TRHDE: variants seen among roughly 807,000 people sequenced by gnomAD.
TRHDE encodes thyrotropin-releasing hormone-degrading ectoenzyme.
In TRHDE, 72 loss-of-function variants were observed where a neutral mutation model predicts 125.7. That is an observed-to-expected ratio of 0.57 (90% CI 0.47 to 0.70). TRHDE has a LOEUF of 0.70. Ranked by LOEUF, TRHDE falls within the 30% of genes least tolerant of loss-of-function variation. The pLI, the probability that TRHDE is intolerant of heterozygous loss-of-function variation, is 0.00. For synonymous variants in TRHDE, 509 were observed against 509.1 expected, an observed-to-expected ratio of 1.00 and a Z score of 0.00; for missense variants, 1,110 against 1,327.1, an observed-to-expected ratio of 0.84 and a Z score of 2.54.
At chr12:72,238,786 T>C (rs1878415852) in intron 2 of TRHDE, among the ~76,000 whole-genome samples, 1 of 152,200 alleles carries the variant, frequency 6.6e-6, no homozygotes, top group African/African-American at 2.4e-5. Flanking sequence ...CTTTATCAAG[T>C]CTATCATTGA....
chr12:72,373,064 A>T (rs997255256), intron 2 of TRHDE, among the ~76,000 whole-genome samples: 1 of 151,992 alleles, frequency 6.6e-6, no homozygotes, highest in East Asian at 1.9e-4. Flanking sequence ...CTTTTATTTC[A>T]TTGAGCAGTG....
chr12:72,636,412 A>G (rs1375447452), intron 15 of TRHDE, among the ~76,000 whole-genome samples: 43 of 151,572 alleles, frequency 2.8e-4, no homozygotes, highest in African/African-American at 8.7e-4. Context: ...GGCTGAGACA[A>G]TGGGGTTTTC....
chr12:72,273,146 A>T lies in TRHDE; in HGVS notation c.503A>T (p.Gln168Leu), dbSNP rs774307603. The T allele has an allele frequency of 3.2e-6, 5 of 1,568,758 alleles. No individual in the cohort carries two copies. Among genetic ancestry groups the T allele is most frequent in the Non-Finnish European group, 3.5e-6 (4 of 1,156,054 alleles). Residue 168 changes from glutamine (Q) to leucine (L), a missense_variant, in exon 1 of 19, where the codon CAG becomes CTG. Gln to Leu is a moderately radical substitution (Grantham distance 113). Around this residue, in one of 5 missense-constraint regions of TRHDE, gnomAD observed 248 missense variants for 240.8 expected, o/e 1.03. Transcript: ENST00000261180. This position sits in a 1 kb window ranked among gnomAD's most constrained non-coding sequence, Gnocchi z 5.3. ...GCCAGTCCGGGGACCACGTCGGCCCAGCCGCCGTCGGAGGAGGAGCGGGAG... is the reference window on the plus strand; with the variant it reads ...GCCAGTCCGGGGACCACGTCGGCCCTGCCGCCGTCGGAGGAGGAGCGGGAG... ...GVASPGTTSAQPPSEEEREPW... is the reference protein window; with the variant it reads ...GVASPGTTSALPPSEEEREPW...
chr12:72,173,625 T>G (rs991608656), intron 2 of TRHDE, among the ~76,000 whole-genome samples: 5 of 152,146 alleles, frequency 3.3e-5, no homozygotes, highest in African/African-American at 1.2e-4. Context: ...GAACCAATAC[T>G]TCAATGGGAC....
At chr12:72,474,059 C>CAT (rs984334010) in intron 5 of TRHDE, among the ~76,000 whole-genome samples, 7 of 151,708 alleles carry the variant, frequency 4.6e-5, no homozygotes, top group Admixed American at 3.9e-4. Context: ...TATATACATA[C>CAT]ATATATATAC....
Position 72,386,803 on chromosome 12 carries a change from G to A in TRHDE, c.1315+8682G>A, listed in dbSNP as rs1281168257. 5.9e-5 allele frequency among the ~76,000 whole-genome samples: 9 copies of A among 152,110 alleles called. No homozygotes were observed. In the East Asian group the frequency reaches 7.7e-4, roughly 13 times the overall value. Reference sequence around the variant, plus strand: ...TCAGCCTTTATCTTGAGCTATCAGCGGCATCTGACACAATTGTTCTCTCCA... The same window carrying A: ...TCAGCCTTTATCTTGAGCTATCAGCAGCATCTGACACAATTGTTCTCTCCA... On this transcript the variant is annotated intron_variant, in intron 3 of 18. Coordinates refer to ENST00000261180, the MANE Select transcript of TRHDE (RefSeq NM_013381.3).
At chr12:72,226,009 A>C (rs528780855) in intron 2 of TRHDE, among the ~76,000 whole-genome samples, 1 of 152,354 alleles carries the variant, frequency 6.6e-6, no homozygotes, top group East Asian at 1.9e-4. Context: ...AGGACCGTGT[A>C]CCAAAAGCTG....
intron 3 of TRHDE, among the ~76,000 whole-genome samples, chr12:72,396,220 T>C (rs1358748295): frequency 6.6e-6 from 1 of 152,250 alleles, no homozygotes; most frequent in Non-Finnish European, 1.5e-5. Flanking sequence ...AAACATTTCC[T>C]GATCTTGATT....
chr12:72,130,524 C>T (rs969557366), intron 2 of TRHDE, among the ~76,000 whole-genome samples: 1 of 151,888 alleles, frequency 6.6e-6, no homozygotes, highest in African/African-American at 2.4e-5. Context: ...ACAACTAAAC[C>T]GAGGAAAATA....
chr12:72,205,772 T>C (rs749857960), intron 2 of TRHDE, among the ~76,000 whole-genome samples: 14 of 152,232 alleles, frequency 9.2e-5, no homozygotes, highest in Non-Finnish European at 1.6e-4. Context: ...TGATAGACAT[T>C]GAGGTTGCTT....
chr12:72,463,611 A>C (rs1213062216), intron 3 of TRHDE, among the ~76,000 whole-genome samples: 3 of 152,108 alleles, frequency 2.0e-5, no homozygotes, highest in South Asian at 2.1e-4. Context: ...GTAGCAGAGA[A>C]TATTTGAGCT....
intron 7 of TRHDE, among the ~76,000 whole-genome samples, chr12:72,552,448 C>A (rs1438988886): frequency 1.3e-5 from 2 of 151,890 alleles, no homozygotes; most frequent in African/African-American, 2.4e-5. Flanking sequence ...GGGATGAGGA[C>A]CTGGAAACAC....
At chr12:72,635,399 T>C (rs1384190019) in intron 15 of TRHDE, among the ~76,000 whole-genome samples, 4 of 151,802 alleles carry the variant, frequency 2.6e-5, no homozygotes, top group African/African-American at 9.7e-5. Context: ...ATTCTGGATA[T>C]TAGCCCTTTG....
chr12:72,326,232 C>T (rs17726783), intron 2 of TRHDE, among the ~76,000 whole-genome samples: 45,483 of 152,026 alleles, frequency 0.3, 8,623 homozygotes, highest in Non-Finnish European at 0.43. Context: ...CACTAGACCA[C>T]GTAACTTTGT....
At chr12:72,603,261 G>T (rs1180003269) in intron 12 of TRHDE, among the ~76,000 whole-genome samples, 1 of 152,114 alleles carries the variant, frequency 6.6e-6, no homozygotes, top group African/African-American at 2.4e-5. Context: ...GGAGATAGTT[G>T]ACATAAATGA....
chr12:72,574,736 A>G (rs1870909017), intron 10 of TRHDE, among the ~76,000 whole-genome samples: 1 of 152,112 alleles, frequency 6.6e-6, no homozygotes, highest in South Asian at 2.1e-4. Context: ...GATTTATTTT[A>G]CTAGCATTAT....
intron 15 of TRHDE, among the ~76,000 whole-genome samples, chr12:72,634,651 C>G (rs1448675198): frequency 7.2e-6 from 1 of 137,940 alleles, no homozygotes; most frequent in Non-Finnish European, 1.6e-5. Context: ...TCCCTCCCCC[C>G]TCCCCCCAAC....
chr12:72,509,561 A>T (rs1878499797), intron 6 of TRHDE, among the ~76,000 whole-genome samples: 1 of 152,186 alleles, frequency 6.6e-6, no homozygotes, highest in Non-Finnish European at 1.5e-5. Flanking sequence ...TCATGGTCCC[A>T]GCTTGCTCTC....
At chr12:72,364,289 A>G (rs958033721) in intron 2 of TRHDE, among the ~76,000 whole-genome samples, 8 of 152,078 alleles carry the variant, frequency 5.3e-5, no homozygotes, top group African/African-American at 1.9e-4. Context: ...TGTTCCTGGA[A>G]TTCATTCCTG....
Sources: gnomAD v4.1 joint callset for allele counts (sites outside exome capture counted in the v4.1 genomes callset) on GRCh38, gnomAD v4.1.1 for gene constraint, gnomAD v4.1.1 regional missense constraint, Gnocchi (gnomAD v3.1) non-coding constraint, MANE v1.5 for transcripts, NCBI Gene and HGNC (gene_info 2026-07-23, HGNC 2026-07-21) for gene names.